PPFIBP2: variants seen among roughly 807,000 people sequenced by gnomAD.
PPFIBP2 encodes liprin-beta-2.
In PPFIBP2, 118 loss-of-function variants were observed where a neutral mutation model predicts 118.3. That is an observed-to-expected ratio of 1.00 (90% confidence interval 0.86 to 1.16). The LOEUF is 1.16. Ranked by LOEUF, PPFIBP2 falls within the 50% of genes most tolerant of loss-of-function variation. The pLI, the probability that PPFIBP2 is intolerant of heterozygous loss-of-function variation, is 0.00. For synonymous variants in PPFIBP2, 414 were observed against 397.4 expected (o/e 1.04, Z -0.50); for missense variants, 1,195 against 1,073.1 (o/e 1.11, Z -1.59).
At chr11:7,574,513 A>G (rs1856042076) in intron 3 of PPFIBP2, among the ~76,000 whole-genome samples, 2 of 152,228 alleles carry the variant, frequency 1.3e-5, no homozygotes, top group Admixed American at 6.5e-5. Context: ...TCTTTTTCAG[A>G]TAAAGATTTA....
At chr11:7,594,032 A>G (rs1590433754) in intron 4 of PPFIBP2, among the ~76,000 whole-genome samples, 1 of 152,278 alleles carries the variant, frequency 6.6e-6, no homozygotes, top group East Asian at 1.9e-4. Context: ...GATGAGTTAG[A>G]CTGGTGGTAG....
intron 1 of PPFIBP2, among the ~76,000 whole-genome samples, chr11:7,525,217 T>C (rs1185788055): frequency 6.6e-6 from 1 of 151,858 alleles, no homozygotes; most frequent in African/African-American, 2.4e-5. Flanking sequence ...CAGTCCTCGA[T>C]TAAAATAGCT....
chr11:7,560,151 A>G (rs1854133412), intron 2 of PPFIBP2, among the ~76,000 whole-genome samples: 1 of 152,202 alleles, frequency 6.6e-6, no homozygotes, highest in Admixed American at 6.5e-5. Flanking sequence ...AGAGCGAGGG[A>G]AAGCTAATCA....
At chr11:7,649,472 A>G in intron 20 of PPFIBP2, 60 bp from the exon 21 acceptor site, 1 of 1,604,714 alleles carries the variant, frequency 6.2e-7, no homozygotes, top group Non-Finnish European at 8.5e-7. Flanking sequence ...GGTGAGGGAC[A>G]TCAGGGGTCT....
At chr11:7,617,249 G>A (rs1190633222) in intron 6 of PPFIBP2, 1 of 985,324 alleles carries the variant, frequency 1.0e-6, no homozygotes, top group African/African-American at 1.7e-5. Context: ...GTGTGGCCGA[G>A]CCCCAGCCCT....
At chr11:7,605,726 T>A (rs1847259291) in intron 5 of PPFIBP2, 1 of 1,347,952 alleles carries the variant, frequency 7.4e-7, no homozygotes, top group Admixed American at 3.6e-5. Context: ...ACTAAGTAAC[T>A]AGTGGCCGCA....
chr11:7,572,086 G>A (rs371869763), intron 3 of PPFIBP2: 2 of 152,194 alleles, frequency 1.3e-5, no homozygotes, highest in African/African-American at 2.4e-5. Context: ...TGTTTAGGGT[G>A]GGGGAGAAGA....
intron 9 of PPFIBP2, among the ~76,000 whole-genome samples, chr11:7,629,115 T>G (rs1850415056): frequency 1.3e-5 from 2 of 152,370 alleles, no homozygotes; most frequent in Admixed American, 6.5e-5. Context: ...TTAGTCTTTT[T>G]TTGTGTCGCT....
At chr11:7,650,640 T>C (rs1031204989) in intron 21 of PPFIBP2, 200 bp from the exon 22 acceptor site, 6 of 417,134 alleles carry the variant, frequency 1.4e-5, no homozygotes, top group African/African-American at 9.9e-5. Flanking sequence ...GTGGAAGATC[T>C]TCAAAGATTC....
At position 7,606,094 on chromosome 11, in the gene PPFIBP2, T is replaced by G. The variant is rs1590540029; in HGVS notation, c.487-4197T>G. The G allele has an allele frequency of 3.5e-6, 5 of 1,444,900 alleles. No individual in the cohort carries two copies. In the East Asian group the frequency reaches 7.5e-5, roughly 22 times the overall value. 89.5% of individuals were successfully genotyped at this position (1,444,900 alleles called of 1,614,324 possible). Reference sequence around the variant, plus strand: ...CCTTCGGTTTGGGGAGAATGTGGTATAAGTGAAGAGCACTGTCTTAGAATA... The same window carrying G: ...CCTTCGGTTTGGGGAGAATGTGGTAGAAGTGAAGAGCACTGTCTTAGAATA... On this transcript the variant is annotated intron_variant, in intron 5 of 23. Coordinates refer to ENST00000299492, the MANE Select transcript of PPFIBP2 (RefSeq NM_003621.5).
chr11:7,610,664 G>T (rs1847957962), intron 6 of PPFIBP2: 2 of 415,288 alleles, frequency 4.8e-6, no homozygotes, highest in Non-Finnish European at 8.7e-6. Context: ...TGCTGACAAG[G>T]ATGGAAAGAG....
At chr11:7,649,097 T>A in intron 19 of PPFIBP2, 50 bp from the exon 20 acceptor site, 1 of 1,552,266 alleles carries the variant, frequency 6.4e-7, no homozygotes, top group South Asian at 1.2e-5. Flanking sequence ...GGTGTCTACA[T>A]TCTCTCATTC....
chr11:7,609,566 T>C (rs749827471), intron 5 of PPFIBP2, among the ~76,000 whole-genome samples: 1 of 152,230 alleles, frequency 6.6e-6, no homozygotes, highest in Non-Finnish European at 1.5e-5. Context: ...AGTGTTTTTA[T>C]TAGTGACAGG....
chr11:7,543,724 A>T (rs1215921157), intron 1 of PPFIBP2, among the ~76,000 whole-genome samples: 1 of 152,244 alleles, frequency 6.6e-6, no homozygotes, highest in East Asian at 1.9e-4. Flanking sequence ...ACTTACCTTC[A>T]TCAGTGGTTG....
In PPFIBP2 at chr11:7,533,219, C is replaced by T. The variant is rs906590195; in HGVS notation, c.-36-16221C>T. On this transcript the variant is annotated intron_variant, in intron 1 of 23. Transcript: ENST00000299492. ...GCGTAAGTTCCCCTTATGGTAGAGACGCTTTCACCTCTGAATATCTGGCTG... is the reference window on the plus strand; with the variant it reads ...GCGTAAGTTCCCCTTATGGTAGAGATGCTTTCACCTCTGAATATCTGGCTG... Among the ~76,000 whole-genome samples the T allele has an allele frequency of 4.9e-4, 74 of 152,114 alleles. 1 individual carries two copies. Among genetic ancestry groups the T allele is most frequent in the African/African-American group, 1.8e-3 (74 of 41,408 alleles).
chr11:7,620,930 C>G lies in PPFIBP2; in HGVS notation c.619-5C>G. Reference sequence around the variant, plus strand: ...AGAACTTTGTCTTTCTCCCTCATCCCCTAGGAGTTACTGCAAGAGCTCAGG... The same window carrying G: ...AGAACTTTGTCTTTCTCCCTCATCCGCTAGGAGTTACTGCAAGAGCTCAGG... On this transcript the variant is annotated splice_polypyrimidine_tract_variant and splice_region_variant and intron_variant, in intron 6 of 23. Transcript: ENST00000299492. 1 of 1,594,406 alleles carries G rather than the reference C, an allele frequency of 6.3e-7. No homozygotes were observed. Among genetic ancestry groups the G allele is most frequent in the Non-Finnish European group, 8.6e-7 (1 of 1,162,102 alleles).
At chr11:7,567,427 T>G (rs1855128887) in intron 3 of PPFIBP2, among the ~76,000 whole-genome samples, 1 of 152,238 alleles carries the variant, frequency 6.6e-6, no homozygotes, top group South Asian at 2.1e-4. Context: ...TGGGGTTATT[T>G]ACAATGGTTT....
At chr11:7,559,117 CTAAA>C (rs1252707742) in intron 2 of PPFIBP2, among the ~76,000 whole-genome samples, 1 of 152,196 alleles carries the variant, frequency 6.6e-6, no homozygotes, top group African/African-American at 2.4e-5. Flanking sequence ...TTGTGCTACT[CTAAA>C]TACTGCTTTG....
chr11:7,620,873 T>C lies in PPFIBP2; in HGVS notation c.619-62T>C, dbSNP rs1026188587. The stretch of plus-strand genomic sequence containing the variant: ...CCCCATATGCATGAGCTTAACCAGG[T>C]TGGTAAATCAAGAGCACATCTTTTA... On this transcript the variant is annotated intron_variant, in intron 6 of 23. Coordinates refer to ENST00000299492, the MANE Select transcript of PPFIBP2 (RefSeq NM_003621.5). The C allele has an allele frequency of 3.2e-5, 39 of 1,214,240 alleles. No individual in the cohort carries two copies. In the African/African-American group the frequency reaches 5.4e-4, roughly 17 times the overall value. 75.2% of individuals were successfully genotyped at this position (1,214,240 alleles called of 1,614,324 possible). A position where few individuals can be genotyped will look rare whatever the true frequency, so the allele number is the denominator to read the frequency against.
Sources: gnomAD v4.1 joint callset for allele counts (sites outside exome capture counted in the v4.1 genomes callset) on GRCh38, gnomAD v4.1.1 for gene constraint, MANE v1.5 for transcripts, NCBI Gene and HGNC (gene_info 2026-07-23, HGNC 2026-07-21) for gene names.